Variants in GRIP1 observed in about 807,000 individuals in gnomAD.
The protein encoded by GRIP1 is glutamate receptor-interacting protein 1.
A neutral mutation model predicts 129.9 loss-of-function variants in GRIP1; 45 were observed. The ratio of observed to expected loss-of-function variants is 0.35; its 90% confidence interval spans 0.27 to 0.44. GRIP1 has a LOEUF of 0.44. Ranked by LOEUF, GRIP1 falls within the 20% of genes least tolerant of loss-of-function variation. The probability of loss-of-function intolerance (pLI) is 1.00; values close to 1 mark genes in which losing one functional copy is unlikely to be tolerated. For missense variants in GRIP1, 1,196 were observed against 1,396.8 expected (o/e 0.86, Z 2.29); for synonymous variants, 530 against 520.8 (o/e 1.02, Z -0.24).
chr12:66,445,209 C>G, intron 12 of GRIP1, 113 bp downstream of exon 12: 1 of 899,466 alleles, frequency 1.1e-6, no homozygotes, highest in Non-Finnish European at 1.8e-6. Context: ...GACAGTTCAT[C>G]ATATCTTGCA....
intron 1 of GRIP1, among the ~76,000 whole-genome samples, chr12:66,953,966 A>G (rs1469173581): frequency 6.6e-6 from 1 of 151,886 alleles, no homozygotes; most frequent in African/African-American, 2.4e-5. Flanking sequence ...CGACCCCCCA[A>G]AACTGTTAAA....
intron 1 of GRIP1, among the ~76,000 whole-genome samples, chr12:66,971,262 G>GGAAAACTTACCAAGTT (rs2042072352): frequency 2.0e-5 from 3 of 152,102 alleles, no homozygotes; most frequent in Admixed American, 2.0e-4. Flanking sequence ...ATTGCTGACA[G>GGAAAACTTACCAAGTT]TTCCAGGAAA....
At chr12:66,952,925 T>C (rs1248005280) in intron 1 of GRIP1, among the ~76,000 whole-genome samples, 1 of 152,214 alleles carries the variant, frequency 6.6e-6, no homozygotes, top group African/African-American at 2.4e-5. Flanking sequence ...AAGTTTACGA[T>C]TAGAGCTACA....
At chr12:66,852,789 C>T (rs2039937210) in intron 1 of GRIP1, among the ~76,000 whole-genome samples, 1 of 151,770 alleles carries the variant, frequency 6.6e-6, no homozygotes, top group African/African-American at 2.4e-5. Context: ...GGCCAATTCC[C>T]ATGTATTTCT....
chr12:66,740,928 A>C (rs935436441), intron 1 of GRIP1, among the ~76,000 whole-genome samples: 1 of 152,208 alleles, frequency 6.6e-6, no homozygotes, highest in African/African-American at 2.4e-5. Flanking sequence ...AGCCAGATGC[A>C]TATGTGATAT....
chr12:66,999,627 G>C (rs566123124), intron 1 of GRIP1, among the ~76,000 whole-genome samples: 2 of 152,044 alleles, frequency 1.3e-5, no homozygotes, highest in Admixed American at 1.3e-4. Context: ...AATGGCAAAG[G>C]GTATTAACCA....
intron 4 of GRIP1, among the ~76,000 whole-genome samples, chr12:66,535,533 C>T (rs995649082): frequency 1.3e-5 from 2 of 152,162 alleles, no homozygotes; most frequent in Admixed American, 6.5e-5. Context: ...AGATTAGAAA[C>T]TGAAGGCTCA....
chr12:66,672,914 T>C (rs894595994), intron 1 of GRIP1, among the ~76,000 whole-genome samples: 8 of 152,166 alleles, frequency 5.3e-5, no homozygotes, highest in Non-Finnish European at 1.2e-4. Flanking sequence ...AAATTCAGTT[T>C]TTTTGTTTGT....
At chr12:66,862,095 T>C (rs974308605) in intron 1 of GRIP1, among the ~76,000 whole-genome samples, 4 of 152,072 alleles carry the variant, frequency 2.6e-5, no homozygotes, top group African/African-American at 9.7e-5. Context: ...CTAGGAAATA[T>C]CTACTTTGGG....
intron 1 of GRIP1, among the ~76,000 whole-genome samples, chr12:67,059,195 G>C (rs1267303366): frequency 6.6e-6 from 1 of 152,314 alleles, no homozygotes; most frequent in East Asian, 1.9e-4. Context: ...AGAGAAAACA[G>C]TTAAGCACTC....
chr12:66,723,300 CTTTCTTTTTTTTTT>C (rs2036144806), intron 1 of GRIP1, among the ~76,000 whole-genome samples: 6 of 42,568 alleles, frequency 1.4e-4, no homozygotes, highest in African/African-American at 5.0e-4. Flanking sequence ...TTCTTTCTTT[CTTTCTTTTTTTTTT>C]TTTTTTTTTT....
At chr12:66,969,263 AT>A (rs2042039250) in intron 1 of GRIP1, among the ~76,000 whole-genome samples, 1 of 152,136 alleles carries the variant, frequency 6.6e-6, no homozygotes, top group South Asian at 2.1e-4. Context: ...TCTGTCATTA[AT>A]TTTGGAAAAT....
chr12:66,512,472 C>A (rs2060727364), intron 7 of GRIP1, among the ~76,000 whole-genome samples: 1 of 151,886 alleles, frequency 6.6e-6, no homozygotes, highest in Non-Finnish European at 1.5e-5. Flanking sequence ...ATTGTTGTAT[C>A]TATTTAGCTT....
intron 14 of GRIP1, among the ~76,000 whole-genome samples, chr12:66,422,053 A>T (rs1483981775): frequency 6.6e-6 from 1 of 152,180 alleles, no homozygotes; most frequent in Non-Finnish European, 1.5e-5. Flanking sequence ...TTTAGAGATC[A>T]TTAACAGGCC....
intron 1 of GRIP1, among the ~76,000 whole-genome samples, chr12:66,854,483 GA>G (rs112123015): frequency 0.15 from 23,378 of 151,648 alleles, 1,958 homozygotes; most frequent in East Asian, 0.37. Flanking sequence ...GAATGGTGTG[GA>G]GGGGGGCTTT....
At chr12:66,894,943 A>T (rs1199920715) in intron 1 of GRIP1, among the ~76,000 whole-genome samples, 1 of 152,276 alleles carries the variant, frequency 6.6e-6, no homozygotes, top group Non-Finnish European at 1.5e-5. Context: ...TCCTCCGGTC[A>T]GTGGTTGCCA....
chr12:66,490,979 C>A (rs946161575), intron 7 of GRIP1, among the ~76,000 whole-genome samples: 1 of 151,958 alleles, frequency 6.6e-6, no homozygotes, highest in African/African-American at 2.4e-5. Flanking sequence ...GGCAAGGTTG[C>A]GAAGAAAAAG....
intron 1 of GRIP1, among the ~76,000 whole-genome samples, chr12:66,898,859 T>TAGC (rs2040796664): frequency 6.6e-6 from 1 of 152,160 alleles, no homozygotes; most frequent in Admixed American, 6.6e-5. Context: ...CCTAGAGGGA[T>TAGC]AGCAGCCTGT....
intron 1 of GRIP1, among the ~76,000 whole-genome samples, chr12:67,051,852 T>A (rs2043351411): frequency 1.3e-5 from 2 of 152,236 alleles, no homozygotes; most frequent in Admixed American, 6.5e-5. Flanking sequence ...AATCATCACA[T>A]CTTTGCAGGT....
Sources: gnomAD v4.1 joint callset for allele counts (sites outside exome capture counted in the v4.1 genomes callset) on GRCh38, gnomAD v4.1.1 for gene constraint, MANE v1.5 for transcripts, NCBI Gene and HGNC (gene_info 2026-07-23, HGNC 2026-07-21) for gene names.